The following CSMD1 variants were observed in gnomAD, a reference collection of about 807,000 sequenced individuals.
CSMD1 encodes CUB and Sushi multiple domains 1, also known as CUB and sushi domain-containing protein 1.
In CSMD1, 213 loss-of-function variants were observed where a neutral mutation model predicts 417.5. That is an observed-to-expected ratio of 0.51 (90% CI 0.46 to 0.57). The LOEUF is 0.57. Ranked by LOEUF, CSMD1 falls within the 20% of genes least tolerant of loss-of-function variation. The probability of loss-of-function intolerance (pLI) is 0.00; values close to 1 mark genes in which losing one functional copy is unlikely to be tolerated. For synonymous variants in CSMD1, 2,862 were observed against 1,736.8 expected (o/e 1.65, Z -16.11); for missense variants, 6,923 against 4,529.7 (o/e 1.53, Z -15.17).
chr8:4,856,198 G>A (rs6558927), intron 1 of CSMD1, among the ~76,000 whole-genome samples: 40,934 of 106,730 alleles, frequency 0.38, 7,260 homozygotes, highest in Non-Finnish European at 0.44. Flanking sequence ...AAAATCCTTT[G>A]CAGACAAGCA....
chr8:4,404,217 CCTA>C (rs1360498212), intron 3 of CSMD1, among the ~76,000 whole-genome samples: 2 of 152,062 alleles, frequency 1.3e-5, no homozygotes, highest in African/African-American at 4.8e-5. Context: ...ATGCCACTTC[CCTA>C]CTATTTTATA....
chr8:3,056,654 G>T (rs998104011), intron 49 of CSMD1, among the ~76,000 whole-genome samples: 2 of 152,144 alleles, frequency 1.3e-5, no homozygotes, highest in South Asian at 2.1e-4. Flanking sequence ...ACAAGCATGA[G>T]CCACTGTGCC....
chr8:4,516,447 C>T (rs758471504), intron 2 of CSMD1, among the ~76,000 whole-genome samples: 1 of 152,180 alleles, frequency 6.6e-6, no homozygotes, highest in Non-Finnish European at 1.5e-5. Context: ...CCCAGAGACG[C>T]CTCACCCTCC....
At chr8:3,043,140 G>T (rs1371262702) in intron 50 of CSMD1, among the ~76,000 whole-genome samples, 3 of 149,116 alleles carry the variant, frequency 2.0e-5, no homozygotes, top group Non-Finnish European at 4.4e-5. Context: ...CATATATATA[G>T]TGATATACAT....
At chr8:4,532,447 C>G (rs1393723283) in intron 2 of CSMD1, among the ~76,000 whole-genome samples, 2 of 148,862 alleles carry the variant, frequency 1.3e-5, no homozygotes, top group Non-Finnish European at 3.0e-5. Context: ...CACAGTCACT[C>G]TGGAAGAGAA....
chr8:3,792,679 T>A lies in CSMD1; in HGVS notation c.819-38637A>T, dbSNP rs79707586. Among the ~76,000 whole-genome samples the A allele has an allele frequency of 5.9e-3, 892 of 152,266 alleles. 9 individuals carry two copies. The highest frequency in any genetic ancestry group is 0.02 in the African/African-American group (823 of 41,542). On this transcript the variant is annotated intron_variant, in intron 5 of 69. Transcript: ENST00000635120. ...ACAGAAAACAAAACAGAGACCGCAATCATGAAATCTTTTCTAAAATTGACA... is the reference window on the plus strand; with the variant it reads ...ACAGAAAACAAAACAGAGACCGCAAACATGAAATCTTTTCTAAAATTGACA...
At chr8:3,324,618 C>G (rs1483645383) in intron 23 of CSMD1, among the ~76,000 whole-genome samples, 1 of 150,988 alleles carries the variant, frequency 6.6e-6, no homozygotes, top group Admixed American at 6.6e-5. Context: ...CCCCACCTTT[C>G]ATCATTGTTA....
chr8:3,011,595 G>A (rs1483101258), intron 52 of CSMD1, among the ~76,000 whole-genome samples: 6 of 151,792 alleles, frequency 4.0e-5, no homozygotes, highest in African/African-American at 7.3e-5. Flanking sequence ...TTATAATAGC[G>A]CAATAAATGC....
At chr8:3,781,906 G>C (rs41388248) in intron 5 of CSMD1, among the ~76,000 whole-genome samples, 2 of 151,604 alleles carry the variant, frequency 1.3e-5, no homozygotes, top group African/African-American at 4.9e-5. Flanking sequence ...TCTAATTTTG[G>C]TAGACCCATT....
Position 3,449,952 on chromosome 8 carries a change from C to A in CSMD1, c.1561+18760G>T, listed in dbSNP as rs117895995. On this transcript the variant is annotated intron_variant, in intron 12 of 69. Coordinates refer to ENST00000635120, the MANE Select transcript of CSMD1 (RefSeq NM_033225.6). Reference sequence around the variant, plus strand: ...TGCTCCAGTCTTAAGACTCACACAGCTTGCCATAATCAAGCGTTTTAAAGT... The same window carrying A: ...TGCTCCAGTCTTAAGACTCACACAGATTGCCATAATCAAGCGTTTTAAAGT... 9.2e-3 allele frequency among the ~76,000 whole-genome samples: 1,408 copies of A among 152,336 alleles called. 9 individuals are homozygous for A. Among genetic ancestry groups the A allele is most frequent in the Non-Finnish European group, 0.014 (978 of 68,024 alleles).
chr8:3,891,632 G>A (rs889032346), intron 5 of CSMD1, among the ~76,000 whole-genome samples: 3 of 151,924 alleles, frequency 2.0e-5, no homozygotes, highest in African/African-American at 7.2e-5. Context: ...TCAGTGAGCT[G>A]TGATCACACC....
intron 52 of CSMD1, among the ~76,000 whole-genome samples, chr8:3,006,010 T>C (rs1430179709): frequency 6.6e-6 from 1 of 152,140 alleles, no homozygotes; most frequent in African/African-American, 2.4e-5. Flanking sequence ...CATGATTGTA[T>C]ACCTAGAAAA....
At chr8:4,027,829 C>G (rs559521634) in intron 4 of CSMD1, among the ~76,000 whole-genome samples, 1 of 149,530 alleles carries the variant, frequency 6.7e-6, no homozygotes, top group African/African-American at 2.5e-5. Context: ...AAGAGTATGA[C>G]TTGAGATCTA....
intron 3 of CSMD1, among the ~76,000 whole-genome samples, chr8:4,312,292 T>C (rs752695125): frequency 6.6e-6 from 1 of 151,604 alleles, no homozygotes; most frequent in South Asian, 2.1e-4. Context: ...TATACTCATA[T>C]AGGTATTTTA....
At chr8:4,338,605 C>A (rs1280687776) in intron 3 of CSMD1, among the ~76,000 whole-genome samples, 2 of 152,056 alleles carry the variant, frequency 1.3e-5, no homozygotes, top group African/African-American at 4.8e-5. Context: ...AGAAACACAG[C>A]AATTAAATCT....
chr8:4,196,198 A>G lies in CSMD1; in HGVS notation c.416-164099T>C, dbSNP rs145276710. On this transcript the variant is annotated intron_variant, in intron 3 of 69. Coordinates refer to ENST00000635120, the MANE Select transcript of CSMD1 (RefSeq NM_033225.6). Reference sequence around the variant, plus strand: ...TGCACTCCAGCCTGGGCGACGGAGCAAGACTCCGTTTCAAAAATAAATAAA... The same window carrying G: ...TGCACTCCAGCCTGGGCGACGGAGCGAGACTCCGTTTCAAAAATAAATAAA... Among the ~76,000 whole-genome samples, 1,332 of 152,272 alleles carry G rather than the reference A, an allele frequency of 8.7e-3. 26 individuals are homozygous for G. The highest frequency in any genetic ancestry group is 0.031 in the African/African-American group (1,277 of 41,556).
In CSMD1 at chr8:4,763,758, G is replaced by A. The variant is rs74964034; in HGVS notation, c.86-126200C>T. On this transcript the variant is annotated intron_variant, in intron 1 of 69. Coordinates refer to ENST00000635120, the MANE Select transcript of CSMD1 (RefSeq NM_033225.6). ...TTCTGGAATACCATTTCAAGAGGCA[G>A]GGCAGTCGTTTCTAACTATATGTTA... Among the ~76,000 whole-genome samples, 7 of 152,228 alleles carry A rather than the reference G, an allele frequency of 4.6e-5. No individual in the cohort carries two copies. The East Asian group carries it at 9.7e-4, about 21-fold the overall frequency.
intron 1 of CSMD1, among the ~76,000 whole-genome samples, chr8:4,931,516 A>G (rs12334680): frequency 0.05 from 7,646 of 152,250 alleles, 224 homozygotes; most frequent in African/African-American, 0.071. Context: ...GTATCCATGA[A>G]CCATCCAACG....
intron 3 of CSMD1, among the ~76,000 whole-genome samples, chr8:4,361,859 G>A (rs1223546514): frequency 6.6e-6 from 1 of 152,232 alleles, no homozygotes; most frequent in East Asian, 1.9e-4. Context: ...GGAGGCTAAG[G>A]CAGAAGAATT....
Sources: allele counts gnomAD v4.1 joint callset (sites outside exome capture counted in the v4.1 genomes callset), GRCh38; gene constraint gnomAD v4.1.1; transcripts MANE v1.5; gene names NCBI Gene and HGNC (gene_info 2026-07-23, HGNC 2026-07-21).